The following ITSN1 variants were observed in gnomAD, a reference collection of about 807,000 sequenced individuals.
The protein encoded by ITSN1 is intersectin 1, also known as intersectin-1.
A neutral mutation model predicts 239.8 loss-of-function variants in ITSN1; 58 were observed. That is an observed-to-expected ratio of 0.24 (90% confidence interval 0.20 to 0.30). The LOEUF is 0.30. Ranked by LOEUF, ITSN1 falls within the 10% of genes least tolerant of loss-of-function variation. ITSN1 has a pLI of 1.00. For missense variants in ITSN1, 1,558 were observed against 2,103.3 expected (o/e 0.74, Z 5.07); for synonymous variants, 780 against 770.8 (o/e 1.01, Z -0.20).
In ITSN1 at chr21:33,767,890, C is replaced by T. The variant is rs183371865; in HGVS notation, c.1042+62C>T. The T allele has an allele frequency of 3.2e-6, 3 of 932,042 alleles. No individual in the cohort carries two copies. The Admixed American group carries it at 6.6e-5, about 21-fold the overall frequency. The allele number at this position is 932,042 out of a possible 1,614,324, so 57.7% of individuals were successfully genotyped here. On this transcript the variant is annotated intron_variant, in intron 11 of 39. Transcript: ENST00000381318. ...TTAAACGAAATTAGAGATTTCCTATCTCTAAGACAAAGATAGAGGTAAACA... is the reference window on the plus strand; with the variant it reads ...TTAAACGAAATTAGAGATTTCCTATTTCTAAGACAAAGATAGAGGTAAACA...
At chr21:33,736,951 C>T (rs2066540198) in intron 5 of ITSN1, among the ~76,000 whole-genome samples, 1 of 152,184 alleles carries the variant, frequency 6.6e-6, no homozygotes, top group African/African-American at 2.4e-5. Context: ...CACTACTGCA[C>T]CCCAGCCTGG....
intron 22 of ITSN1, chr21:33,818,027 T>C: frequency 1.8e-6 from 1 of 549,006 alleles, no homozygotes; most frequent in Non-Finnish European, 3.2e-6. Flanking sequence ...TAGAGAGTTC[T>C]AGATGGTCAG....
intron 1 of ITSN1, among the ~76,000 whole-genome samples, chr21:33,711,012 C>T (rs915162916): frequency 8.6e-5 from 13 of 151,576 alleles, no homozygotes; most frequent in African/African-American, 2.7e-4. Flanking sequence ...AGGATGGTCT[C>T]GATCTCCTGA....
Position 33,738,191 on chromosome 21 carries a change from A to C in ITSN1, c.346+2987A>C, listed in dbSNP as rs571632180. ...GACAGAGCCAGACCCTATCTCAAAA[A>C]ACAAAACAAAACAAAAATCTGACTC... is the stretch of plus-strand genomic sequence containing the variant. On this transcript the variant is annotated intron_variant, in intron 5 of 39. Transcript: ENST00000381318. Among the ~76,000 whole-genome samples, 66 of 151,972 alleles carry C rather than the reference A, an allele frequency of 4.3e-4. 1 individual carries two copies. The South Asian group carries it at 0.013, about 29-fold the overall frequency.
intron 2 of ITSN1, among the ~76,000 whole-genome samples, chr21:33,720,425 A>G (rs1309525007): frequency 1.3e-5 from 2 of 152,188 alleles, no homozygotes; most frequent in Non-Finnish European, 2.9e-5. Context: ...ATTTTAGTCA[A>G]TTTGAGGAGA....
chr21:33,673,136 T>A (rs2090396752), intron 1 of ITSN1, among the ~76,000 whole-genome samples: 2 of 152,226 alleles, frequency 1.3e-5, no homozygotes, highest in South Asian at 4.1e-4. Flanking sequence ...GAGAGCATGC[T>A]GCTAAGTGAA....
At chr21:33,679,700 T>TATCC (rs1414654380) in intron 1 of ITSN1, among the ~76,000 whole-genome samples, 1 of 121,604 alleles carries the variant, frequency 8.2e-6, no homozygotes, top group African/African-American at 3.9e-5. Context: ...TCCTTATCCT[T>TATCC]TTTTTTTTTT....
chr21:33,761,417 T>C (rs555119754), intron 8 of ITSN1, among the ~76,000 whole-genome samples: 1 of 152,188 alleles, frequency 6.6e-6, no homozygotes, highest in South Asian at 2.1e-4. Flanking sequence ...CTTTTTTTTT[T>C]TTTCTTTTTA....
chr21:33,876,065 T>TCTCTCTCTTTCTCCCTTTTTCTTTC (rs1569332473), intron 34 of ITSN1, among the ~76,000 whole-genome samples: 1 of 50,222 alleles, frequency 2.0e-5, no homozygotes, highest in Non-Finnish European at 3.5e-5. Context: ...TTTCTTTCTT[T>TCTCTCTCTTTCTCCCTTTTTCTTTC]CTCTTTCTCC....
chr21:33,690,676 A>C (rs1370935546), intron 1 of ITSN1, among the ~76,000 whole-genome samples: 1 of 142,322 alleles, frequency 7.0e-6, no homozygotes, highest in East Asian at 2.1e-4. Flanking sequence ...CAGGAGAATG[A>C]CTTGCACTGG....
chr21:33,839,983 G>C (rs1205842173), intron 29 of ITSN1, among the ~76,000 whole-genome samples: 4 of 152,226 alleles, frequency 2.6e-5, no homozygotes, highest in Non-Finnish European at 5.9e-5. Flanking sequence ...AGAAGCGCAG[G>C]TCTCACCCCA....
intron 7 of ITSN1, among the ~76,000 whole-genome samples, chr21:33,755,050 C>T (rs2067817150): frequency 6.6e-6 from 1 of 152,074 alleles, no homozygotes; most frequent in Admixed American, 6.6e-5. Context: ...TTGAAACAGC[C>T]TCTCAGTCTA....
intron 34 of ITSN1, among the ~76,000 whole-genome samples, chr21:33,879,724 A>T (rs971708425): frequency 1.3e-5 from 2 of 152,126 alleles, no homozygotes; most frequent in Non-Finnish European, 2.9e-5. Context: ...CTCTTACCCA[A>T]GCTGGAGTGC....
intron 29 of ITSN1, 62 bp from the exon 30 acceptor site, chr21:33,856,674 T>C: frequency 6.2e-7 from 1 of 1,608,698 alleles, no homozygotes. Context: ...GGATCTTCCG[T>C]GTGAAGTTGT....
In ITSN1 at chr21:33,836,453, T is replaced by C; in HGVS notation, c.3482T>C (p.Ile1161Thr). ...STALAAVCQV[I>T]GMYDYTAQND... ...CTGTCTCCTGCAGTGTGCCAGGTGA[T>C]TGGGATGTACGACTACACCGCGCAG... The change falls in exon 29 of 40, where the codon ATT becomes ACT. Residue 1161 changes from isoleucine (I) to threonine (T), a missense_variant. By Grantham distance (89) the Ile-to-Thr change is moderately conservative (BLOSUM62 -1). Transcript: ENST00000381318. 1.2e-6 allele frequency: 2 copies of C among 1,606,884 alleles called. No homozygotes were observed. The highest frequency in any genetic ancestry group is 1.1e-5 in the South Asian group (1 of 90,152).
chr21:33,715,857 G>C (rs1218799678), intron 1 of ITSN1, among the ~76,000 whole-genome samples: 1 of 152,172 alleles, frequency 6.6e-6, no homozygotes, highest in Non-Finnish European at 1.5e-5. Flanking sequence ...GGTGGAGGTT[G>C]CAGTGAGCCA....
In ITSN1 at chr21:33,892,992, T is replaced by G. The variant is rs1986462860; in HGVS notation, c.*4692T>G. On this transcript the variant is annotated 3_prime_UTR_variant, in exon 40 of 40. Transcript: ENST00000381318. ...TAGAGGAGCCTGATGAGAGCTATCCTGGGGGCCAAGGGATGCATTCCCTGC... is the reference window on the plus strand; with the variant it reads ...TAGAGGAGCCTGATGAGAGCTATCCGGGGGGCCAAGGGATGCATTCCCTGC... 1 of 152,236 alleles carries G rather than the reference T, an allele frequency of 6.6e-6. No homozygotes were observed. Among genetic ancestry groups the G allele is most frequent in the South Asian group, 2.1e-4 (1 of 4,840 alleles). 9.4% of individuals were successfully genotyped at this position (152,236 alleles called of 1,614,324 possible). A position where few individuals can be genotyped will look rare whatever the true frequency, so the allele number is the denominator to read the frequency against.
chr21:33,791,446 A>G (rs2071125165), intron 16 of ITSN1, among the ~76,000 whole-genome samples: 1 of 152,254 alleles, frequency 6.6e-6, no homozygotes, highest in South Asian at 2.1e-4. Context: ...GCTATACTCA[A>G]AAACAAGTGT....
chr21:33,663,851 T>C (rs2089738381), intron 1 of ITSN1, among the ~76,000 whole-genome samples: 2 of 152,312 alleles, frequency 1.3e-5, no homozygotes, highest in South Asian at 4.1e-4. Flanking sequence ...TCCGCCCACC[T>C]CGGCCTCCCA....
Sources: allele counts gnomAD v4.1 joint callset (sites outside exome capture counted in the v4.1 genomes callset), GRCh38; gene constraint gnomAD v4.1.1; transcripts MANE v1.5; gene names NCBI Gene and HGNC (gene_info 2026-07-23, HGNC 2026-07-21).